SPTLC2: variants seen among roughly 807,000 people sequenced by gnomAD.
SPTLC2 encodes serine palmitoyltransferase 2.
SPTLC2 carries 21 observed loss-of-function variants against 62.0 expected under a neutral mutation model. That is an observed-to-expected ratio of 0.34 (90% confidence interval 0.24 to 0.49). The LOEUF is 0.49. Among genes scored for constraint, SPTLC2 ranks in the 20% least tolerant of loss-of-function variants. The probability of loss-of-function intolerance (pLI) is 0.99; values close to 1 mark genes in which losing one functional copy is unlikely to be tolerated. For missense variants in SPTLC2, 511 were observed against 713.0 expected (o/e 0.72, Z 3.23); for synonymous variants, 261 against 261.8 (o/e 1.00, Z 0.03).
At chr14:77,524,152 T>C (rs1407005974) in intron 9 of SPTLC2, among the ~76,000 whole-genome samples, 8 of 152,280 alleles carry the variant, frequency 5.3e-5, no homozygotes, top group East Asian at 3.9e-4. Flanking sequence ...ATAATGTTCA[T>C]TGAAATAAGC....
chr14:77,570,611 C>G (rs2079676423), intron 4 of SPTLC2, 103 bp from the exon 5 acceptor site: 9 of 1,408,726 alleles, frequency 6.4e-6, no homozygotes, highest in Non-Finnish European at 8.9e-6. Flanking sequence ...GTGTCCTTTT[C>G]AGACTAAGAT....
At chr14:77,607,554 A>G (rs768660317) in intron 1 of SPTLC2, among the ~76,000 whole-genome samples, 1 of 152,192 alleles carries the variant, frequency 6.6e-6, no homozygotes, top group African/African-American at 2.4e-5. Context: ...TAAGAATCAA[A>G]TTTTCCTTTA....
In SPTLC2 at chr14:77,555,659, A is replaced by G. The variant is rs2079579494; in HGVS notation, c.957-140T>C. On this transcript the variant is annotated intron_variant, in intron 7 of 11. Transcript: ENST00000216484. ...GGGACAGAGTTTTGCTCCATTGTCCAGGCTGAAGTGCAGTGGCATAATCTC... is the reference window on the plus strand; with the variant it reads ...GGGACAGAGTTTTGCTCCATTGTCCGGGCTGAAGTGCAGTGGCATAATCTC... 3 of 855,738 alleles carry G rather than the reference A, an allele frequency of 3.5e-6. No homozygotes were observed. The South Asian group carries it at 4.7e-5, about 13-fold the overall frequency. 53.0% of individuals were successfully genotyped at this position (855,738 alleles called of 1,614,324 possible).
At chr14:77,535,970 T>C (rs540264352) in intron 9 of SPTLC2, 2 of 455,502 alleles carry the variant, frequency 4.4e-6, no homozygotes, top group South Asian at 1.6e-5. Context: ...TAGGTATTTC[T>C]TGTTTGGACA....
chr14:77,538,637 C>G (rs2079483297), intron 9 of SPTLC2, among the ~76,000 whole-genome samples: 1 of 152,124 alleles, frequency 6.6e-6, no homozygotes, highest in Non-Finnish European at 1.5e-5. Context: ...GTGGCTTGAT[C>G]TTGGCTCAAT....
intron 7 of SPTLC2, among the ~76,000 whole-genome samples, chr14:77,556,291 T>C (rs912523139): frequency 6.6e-6 from 1 of 151,764 alleles, no homozygotes; most frequent in African/African-American, 2.4e-5. Context: ...CCAGCCTGGG[T>C]GACACAGCGA....
chr14:77,597,929 G>C (rs1211747975), intron 1 of SPTLC2, among the ~76,000 whole-genome samples: 2 of 151,868 alleles, frequency 1.3e-5, no homozygotes, highest in Non-Finnish European at 2.9e-5. Flanking sequence ...TTCAAGCCCA[G>C]CCTGATCACA....
At chr14:77,551,353 T>C (rs2079554572) in intron 9 of SPTLC2, among the ~76,000 whole-genome samples, 1 of 81,240 alleles carries the variant, frequency 1.2e-5, no homozygotes, top group Admixed American at 1.8e-4. Flanking sequence ...ATCACACCAC[T>C]GCACTCCAGC....
chr14:77,599,846 A>T (rs139748823), intron 1 of SPTLC2, among the ~76,000 whole-genome samples: 7 of 152,374 alleles, frequency 4.6e-5, no homozygotes, highest in African/African-American at 1.7e-4. Flanking sequence ...CAAAATGAAA[A>T]GCAATTTAAA....
intron 2 of SPTLC2, among the ~76,000 whole-genome samples, chr14:77,588,366 G>A (rs2079794602): frequency 1.3e-5 from 2 of 151,600 alleles, no homozygotes; most frequent in Non-Finnish European, 2.9e-5. Context: ...CCCACCTGAG[G>A]AAGTGTTGAA....
chr14:77,566,644 T>G (rs1204233766), intron 5 of SPTLC2, among the ~76,000 whole-genome samples: 1 of 152,156 alleles, frequency 6.6e-6, no homozygotes, highest in Admixed American at 6.5e-5. Flanking sequence ...ATATTTTTAG[T>G]AGAGACGGGG....
intron 8 of SPTLC2, 25 bp downstream of exon 8, chr14:77,555,275 T>C: frequency 1.9e-6 from 3 of 1,613,720 alleles, no homozygotes; most frequent in Non-Finnish European, 2.5e-6. Flanking sequence ...TTATCTCTAA[T>C]CGCTCATTCT....
At chr14:77,530,257 T>C (rs998403968) in intron 9 of SPTLC2, among the ~76,000 whole-genome samples, 1 of 152,072 alleles carries the variant, frequency 6.6e-6, no homozygotes, top group Admixed American at 6.6e-5. Flanking sequence ...TAAGCAAACC[T>C]GGGTTAAAAA....
chr14:77,550,401 C>G (rs555887269), intron 9 of SPTLC2, among the ~76,000 whole-genome samples: 98 of 152,250 alleles, frequency 6.4e-4, no homozygotes, highest in African/African-American at 2.2e-3. Flanking sequence ...ACGGAGAAAC[C>G]CGGTCTCTAC....
intron 4 of SPTLC2, among the ~76,000 whole-genome samples, chr14:77,570,769 C>G (rs565302517): frequency 4.3e-4 from 65 of 152,216 alleles, no homozygotes; most frequent in African/African-American, 1.5e-3. Context: ...AAAATTTCTC[C>G]CATTCCTGTT....
At chr14:77,557,593 C>T (rs778869301) in intron 6 of SPTLC2, among the ~76,000 whole-genome samples, 3 of 152,176 alleles carry the variant, frequency 2.0e-5, no homozygotes, top group Non-Finnish European at 4.4e-5. Flanking sequence ...AAAAAACAAA[C>T]GCAAGGCGTA....
Position 77,546,797 on chromosome 14 carries a change from G to A in SPTLC2, c.1303+5299C>T, listed in dbSNP as rs141027554. On this transcript the variant is annotated intron_variant, in intron 9 of 11. Coordinates refer to ENST00000216484, the MANE Select transcript of SPTLC2 (RefSeq NM_004863.4). The stretch of plus-strand genomic sequence containing the variant: ...GTTGCCCAGGTTGGAGTGTAATGGC[G>A]CGATCTCAGCTCACCGCAACCTCCT... 4.1e-4 allele frequency among the ~76,000 whole-genome samples: 62 copies of A among 151,844 alleles called. No homozygotes were observed. The East Asian group carries it at 8.9e-3, about 22-fold the overall frequency.
In SPTLC2 at chr14:77,540,192, G is replaced by A. The variant is rs1181580970; in HGVS notation, c.1303+11904C>T. 2.8e-4 allele frequency among the ~76,000 whole-genome samples: 4 copies of A among 14,090 alleles called. No individual in the cohort carries two copies. In the Non-Finnish European group the frequency reaches 3.1e-3, roughly 11 times the overall value. The allele number at this position is 14,090 out of a possible 152,430, so 9.2% of individuals were successfully genotyped here. ...GCCTGCCAGCATGGGCAACAAGAGC[G>A]AAACTCTTGTCTCAAAAAAAAAAAA... On this transcript the variant is annotated intron_variant, in intron 9 of 11. Coordinates refer to ENST00000216484, the MANE Select transcript of SPTLC2 (RefSeq NM_004863.4).
At chr14:77,561,981 C>T (rs1266493358) in intron 6 of SPTLC2, among the ~76,000 whole-genome samples, 3 of 152,226 alleles carry the variant, frequency 2.0e-5, no homozygotes. Context: ...CTCTGTGCTC[C>T]CACAGCATCT....
Sources: gnomAD v4.1 joint callset for allele counts (sites outside exome capture counted in the v4.1 genomes callset) on GRCh38, gnomAD v4.1.1 for gene constraint, MANE v1.5 for transcripts, NCBI Gene and HGNC (gene_info 2026-07-23, HGNC 2026-07-21) for gene names.